PTPRD: variants seen among roughly 807,000 people sequenced by gnomAD.
PTPRD encodes the protein receptor-type tyrosine-protein phosphatase delta.
PTPRD carries 34 observed loss-of-function variants against 214.5 expected under a neutral mutation model. The observed-to-expected ratio is 0.16, with a 90% CI of 0.12 to 0.21. The LOEUF (loss-of-function observed/expected upper bound fraction) is 0.21. Ranked by LOEUF, PTPRD falls within the 10% of genes least tolerant of loss-of-function variation. PTPRD has a pLI of 1.00. For missense variants in PTPRD, 2,545 were observed against 2,398.7 expected, an observed-to-expected ratio of 1.06 and a Z score of -1.27; for synonymous variants, 1,128 against 845.7, an observed-to-expected ratio of 1.33 and a Z score of -5.79.
At chr9:9,452,762 TA>T (rs1245573830) in intron 8 of PTPRD, among the ~76,000 whole-genome samples, 4 of 151,332 alleles carry the variant, frequency 2.6e-5, no homozygotes, top group African/African-American at 9.7e-5. Context: ...CACATATCCC[TA>T]AAGGAAAATG....
intron 5 of PTPRD, among the ~76,000 whole-genome samples, chr9:9,820,995 C>T (rs896389799): frequency 2.0e-5 from 3 of 152,002 alleles, no homozygotes; most frequent in South Asian, 2.1e-4. Context: ...GAATAGTTTT[C>T]TTTTTTCTAG....
At chr9:10,511,876 G>GTA (rs1388880185) in intron 2 of PTPRD, among the ~76,000 whole-genome samples, 49 of 71,632 alleles carry the variant, frequency 6.8e-4, no homozygotes, top group East Asian at 2.3e-3. Flanking sequence ...GTGTGTGTGT[G>GTA]TGTATATACA....
intron 4 of PTPRD, among the ~76,000 whole-genome samples, chr9:10,002,253 C>CA (rs201812869): frequency 0.025 from 3,567 of 145,102 alleles, 157 homozygotes; most frequent in African/African-American, 0.083. Flanking sequence ...AACATAGGAA[C>CA]AAAAAAAAGA....
chr9:10,205,230 T>A (rs1341498814), intron 3 of PTPRD, among the ~76,000 whole-genome samples: 3 of 151,912 alleles, frequency 2.0e-5, no homozygotes, highest in Admixed American at 1.3e-4. Context: ...ATTTCAGAAT[T>A]TTTTTTCAAC....
At position 8,721,353 on chromosome 9, in the gene PTPRD, C is replaced by G. The variant is rs545153297; in HGVS notation, c.64+12427G>C. Among the ~76,000 whole-genome samples, 329 of 150,138 alleles carry G rather than the reference C, an allele frequency of 2.2e-3. 2 individuals carry two copies. The highest frequency in any genetic ancestry group is 4.2e-3 in the Non-Finnish European group (285 of 67,734). ...GCTGAGGCACAAGAATCGCTTGAACCTAGGAGTCAGAGGTTGCAGTGAGCC... is the reference window on the plus strand; with the variant it reads ...GCTGAGGCACAAGAATCGCTTGAACGTAGGAGTCAGAGGTTGCAGTGAGCC... On this transcript the variant is annotated intron_variant, in intron 12 of 45. Transcript: ENST00000381196.
At chr9:10,503,713 A>T (rs1054129284) in intron 2 of PTPRD, among the ~76,000 whole-genome samples, 3 of 152,106 alleles carry the variant, frequency 2.0e-5, no homozygotes, top group Non-Finnish European at 4.4e-5. Context: ...TTAAAGATAA[A>T]TGAATAGACT....
chr9:8,523,285 G>C (rs2097926626), intron 19 of PTPRD, among the ~76,000 whole-genome samples: 1 of 152,076 alleles, frequency 6.6e-6, no homozygotes, highest in African/African-American at 2.4e-5. Flanking sequence ...ACCTTACAGA[G>C]TTAAGTGTTA....
chr9:8,713,459 A>C (rs190756251), intron 12 of PTPRD: 2 of 1,114,126 alleles, frequency 1.8e-6, no homozygotes, highest in East Asian at 2.4e-5. Flanking sequence ...TTCGTATCTC[A>C]GTTAAAGAAA....
intron 11 of PTPRD, among the ~76,000 whole-genome samples, chr9:8,793,898 C>T (rs943953051): frequency 6.6e-6 from 1 of 152,144 alleles, no homozygotes; most frequent in African/African-American, 2.4e-5. Flanking sequence ...AAACTGAAGG[C>T]TATCAGAGGA....
chr9:9,103,279 T>C (rs1447352774), intron 10 of PTPRD, among the ~76,000 whole-genome samples: 3 of 152,150 alleles, frequency 2.0e-5, no homozygotes, highest in Non-Finnish European at 2.9e-5. Context: ...CCTAATGTCA[T>C]TAGGAAATAG....
intron 9 of PTPRD, among the ~76,000 whole-genome samples, chr9:9,346,820 G>C (rs1463429550): frequency 6.6e-6 from 1 of 151,994 alleles, no homozygotes; most frequent in Non-Finnish European, 1.5e-5. Flanking sequence ...AGCCTCTCAA[G>C]TAGCTGGGAT....
intron 39 of PTPRD, among the ~76,000 whole-genome samples, chr9:8,345,871 A>G (rs1857117255): frequency 6.6e-6 from 1 of 151,974 alleles, no homozygotes; most frequent in East Asian, 1.9e-4. Context: ...GGATTCTTCC[A>G]TCTGTATCAA....
At chr9:9,309,557 C>T (rs1348335929) in intron 9 of PTPRD, among the ~76,000 whole-genome samples, 1 of 152,110 alleles carries the variant, frequency 6.6e-6, no homozygotes, top group Non-Finnish European at 1.5e-5. Context: ...AGCCAGGATG[C>T]ATTTCTTTGA....
intron 5 of PTPRD, among the ~76,000 whole-genome samples, chr9:9,818,002 G>A (rs987693112): frequency 3.9e-5 from 6 of 152,098 alleles, no homozygotes; most frequent in Admixed American, 3.9e-4. Context: ...CCAATTCCAA[G>A]GGCTGATCTT....
At chr9:8,781,333 G>C (rs1249676324) in intron 11 of PTPRD, among the ~76,000 whole-genome samples, 1 of 152,102 alleles carries the variant, frequency 6.6e-6, no homozygotes, top group African/African-American at 2.4e-5. Context: ...TGAAGCCTGT[G>C]GTGTGGTATC....
chr9:9,572,772 G>C (rs758059449), intron 8 of PTPRD, among the ~76,000 whole-genome samples: 1 of 151,058 alleles, frequency 6.6e-6, no homozygotes, highest in Non-Finnish European at 1.5e-5. Context: ...TCAACGAATA[G>C]TGTAACCACA....
chr9:8,674,260 C>G (rs955271543), intron 12 of PTPRD, among the ~76,000 whole-genome samples: 8 of 151,922 alleles, frequency 5.3e-5, no homozygotes, highest in African/African-American at 1.7e-4. Context: ...GAGCTTGAGA[C>G]CATCCTGGCC....
At chr9:9,905,500 A>G (rs1274204969) in intron 5 of PTPRD, among the ~76,000 whole-genome samples, 1 of 151,962 alleles carries the variant, frequency 6.6e-6, no homozygotes, top group Non-Finnish European at 1.5e-5. Context: ...CCTATATACT[A>G]GTTATCAAGC....
rs546172973 is a variant in PTPRD at position 8,882,843 on chromosome 9, C to A, written c.-104+135854G>T. On this transcript the variant is annotated intron_variant, in intron 11 of 45. Transcript: ENST00000381196. ...TAGGTTGCCGTAAGCCGAGATCACA[C>A]CACTACACTCCAGCCTGGGTGACGG... Among the ~76,000 whole-genome samples, 14 of 143,800 alleles carry A rather than the reference C, an allele frequency of 9.7e-5. No homozygotes were observed. In the South Asian group the frequency reaches 3.0e-3, roughly 30 times the overall value. The allele number at this position is 143,800 out of a possible 152,430, so 94.3% of individuals were successfully genotyped here.
Sources: gnomAD v4.1 joint callset for allele counts (sites outside exome capture counted in the v4.1 genomes callset) on GRCh38, gnomAD v4.1.1 for gene constraint, MANE v1.5 for transcripts, NCBI Gene and HGNC (gene_info 2026-07-23, HGNC 2026-07-21) for gene names.